PDLIM1: variants seen among roughly 807,000 people sequenced by gnomAD.
The protein encoded by PDLIM1 is PDZ and LIM domain 1.
PDLIM1 carries 25 observed loss-of-function variants against 35.2 expected under a neutral mutation model. The observed-to-expected ratio is 0.71, with a 90% CI of 0.52 to 0.99. The LOEUF (loss-of-function observed/expected upper bound fraction) is 0.99. Ranked by LOEUF, PDLIM1 falls within the 50% of genes least tolerant of loss-of-function variation. PDLIM1 has a pLI of 0.00. For missense variants in PDLIM1, 363 were observed against 415.3 expected (o/e 0.87, Z 1.09); for synonymous variants, 152 against 154.0 (o/e 0.99, Z 0.10).
chr10:95,288,438 C>T (rs1445928582), intron 1 of PDLIM1, among the ~76,000 whole-genome samples: 1 of 152,218 alleles, frequency 6.6e-6, no homozygotes, highest in Admixed American at 6.5e-5. Context: ...ACCTACCAAT[C>T]AGAAAGTGTG....
At chr10:95,273,587 T>C (rs895603904) in intron 1 of PDLIM1, among the ~76,000 whole-genome samples, 1 of 152,062 alleles carries the variant, frequency 6.6e-6, no homozygotes, top group Non-Finnish European at 1.5e-5. Flanking sequence ...TGGAAACCAG[T>C]ACCGAGATCC....
At chr10:95,282,655 C>T (rs2035570499) in intron 1 of PDLIM1, among the ~76,000 whole-genome samples, 4 of 152,080 alleles carry the variant, frequency 2.6e-5, no homozygotes, top group Admixed American at 2.6e-4. Flanking sequence ...AAGAAGTCAT[C>T]GAGGCCAGGC....
intron 4 of PDLIM1, among the ~76,000 whole-genome samples, chr10:95,260,744 G>C (rs1184318203): frequency 6.6e-6 from 1 of 152,238 alleles, no homozygotes; most frequent in Non-Finnish European, 1.5e-5. Context: ...GATGACCTCA[G>C]ATGCAAAGTA....
chr10:95,256,596 G>A (rs1012137636), intron 4 of PDLIM1, among the ~76,000 whole-genome samples: 5 of 152,124 alleles, frequency 3.3e-5, no homozygotes, highest in Non-Finnish European at 7.4e-5. Context: ...AATGGTTAAA[G>A]AATAATTTCT....
intron 4 of PDLIM1, among the ~76,000 whole-genome samples, chr10:95,251,746 TTTC>T (rs2035269829): frequency 2.6e-5 from 4 of 152,220 alleles, no homozygotes; most frequent in African/African-American, 9.6e-5. Flanking sequence ...TAGACATATT[TTTC>T]CCTGTTTCAC....
chr10:95,247,130 A>G, intron 5 of PDLIM1, 85 bp downstream of exon 5: 1 of 1,202,610 alleles, frequency 8.3e-7, no homozygotes, highest in Non-Finnish European at 1.2e-6. Context: ...CAGGCTCCAG[A>G]GTGTGTTCAC....
chr10:95,263,828 A>G (rs369844326), intron 4 of PDLIM1, 36 bp downstream of exon 4: 6 of 1,545,102 alleles, frequency 3.9e-6, no homozygotes, highest in East Asian at 4.5e-5. Context: ...AGCCCCTCCC[A>G]GGAGCGGCTC....
At chr10:95,254,030 A>C (rs1331599697) in intron 4 of PDLIM1, among the ~76,000 whole-genome samples, 1 of 152,236 alleles carries the variant, frequency 6.6e-6, no homozygotes, top group Non-Finnish European at 1.5e-5. Flanking sequence ...TATTCTAAAA[A>C]AAATGATGTC....
chr10:95,271,592 T>TA, intron 2 of PDLIM1, 41 bp downstream of exon 2: 1 of 1,553,590 alleles, frequency 6.4e-7, no homozygotes, highest in Non-Finnish European at 8.7e-7. Flanking sequence ...AAACAGCTTC[T>TA]AGTCAATCAG....
chr10:95,273,696 G>A lies in PDLIM1; in HGVS notation c.97-1912C>T, dbSNP rs372897031. Among the ~76,000 whole-genome samples, 141 of 152,216 alleles carry A rather than the reference G, an allele frequency of 9.3e-4. 2 individuals are homozygous for A. The South Asian group carries it at 0.017, about 18-fold the overall frequency. ...AGCCTCCTGATTCAAGGTTCAGATC[G>A]TCCCCTCATCCAGCCACTGGGACAG... On this transcript the variant is annotated intron_variant, in intron 1 of 6. Transcript: ENST00000329399.
intron 4 of PDLIM1, among the ~76,000 whole-genome samples, chr10:95,250,600 C>T (rs968948705): frequency 2.0e-5 from 3 of 151,988 alleles, no homozygotes; most frequent in South Asian, 2.1e-4. Context: ...AAAAATTTCT[C>T]GTTTTTATAT....
chr10:95,244,953 C>G lies in PDLIM1; in HGVS notation c.685+2262G>C, dbSNP rs143000880. ...GCATTTGGGTTCCTTCCCCGAAGAG[C>G]CTTCTGCATGTAAAGAATGTTTAGA... On this transcript the variant is annotated intron_variant, in intron 5 of 6. Transcript: ENST00000329399. Among the ~76,000 whole-genome samples, 928 of 152,250 alleles carry G rather than the reference C, an allele frequency of 6.1e-3. 3 individuals carry two copies. The highest frequency in any genetic ancestry group is 0.014 in the South Asian group (69 of 4,820).
In PDLIM1 at chr10:95,268,766, G is replaced by T; in HGVS notation, c.333+12C>A. On this transcript the variant is annotated intron_variant, in intron 3 of 6. Transcript: ENST00000329399. ...GTGGTGAGAGCAGCGGCAACGATGA[G>T]CAAGAACTTACCTGGGGTTCAGAGG... The T allele has an allele frequency of 6.3e-7, 1 of 1,578,812 alleles. No homozygotes were observed. The highest frequency in any genetic ancestry group is 8.7e-7 in the Non-Finnish European group (1 of 1,147,764).
intron 1 of PDLIM1, chr10:95,273,043 G>A (rs955259998): frequency 6.6e-6 from 1 of 152,172 alleles, no homozygotes; most frequent in Non-Finnish European, 1.5e-5. Context: ...TCACCTCAGA[G>A]TACTATCTCT....
intron 1 of PDLIM1, among the ~76,000 whole-genome samples, chr10:95,276,343 A>C (rs1487638663): frequency 6.6e-6 from 1 of 151,556 alleles, no homozygotes; most frequent in Non-Finnish European, 1.5e-5. Flanking sequence ...GTGGCCTTCT[A>C]CATAGGACCT....
intron 5 of PDLIM1, among the ~76,000 whole-genome samples, chr10:95,243,056 G>C (rs1242510657): frequency 6.6e-6 from 1 of 152,186 alleles, no homozygotes; most frequent in Non-Finnish European, 1.5e-5. Flanking sequence ...GGTAGAATGA[G>C]AAAAAGCCAG....
At chr10:95,263,802 T>C in intron 4 of PDLIM1, 62 bp downstream of exon 4, 2 of 1,346,248 alleles carry the variant, frequency 1.5e-6, no homozygotes, top group Non-Finnish European at 1.0e-6. Context: ...TGGGCAGCCC[T>C]GGTCCTGATG....
At chr10:95,249,379 A>G (rs751904485) in intron 4 of PDLIM1, among the ~76,000 whole-genome samples, 1 of 152,238 alleles carries the variant, frequency 6.6e-6, no homozygotes, top group Non-Finnish European at 1.5e-5. Context: ...CAAATATCAG[A>G]TGGTGGGGCA....
chr10:95,266,161 C>T (rs45507398), intron 3 of PDLIM1, among the ~76,000 whole-genome samples: 1,753 of 152,170 alleles, frequency 0.012, 31 homozygotes, highest in African/African-American at 0.04. Context: ...TGCACCATTG[C>T]ACTCCAGCCT....
Sources: allele counts gnomAD v4.1 joint callset (sites outside exome capture counted in the v4.1 genomes callset), GRCh38; gene constraint gnomAD v4.1.1; transcripts MANE v1.5; gene names NCBI Gene and HGNC (gene_info 2026-07-23, HGNC 2026-07-21).